Variants in MYO18A observed in about 807,000 individuals in gnomAD.
MYO18A encodes unconventional myosin-XVIIIa.
In MYO18A, 78 loss-of-function variants were observed where a neutral mutation model predicts 235.8. That is an observed-to-expected ratio of 0.33 (90% CI 0.28 to 0.40). MYO18A has a LOEUF of 0.40. MYO18A is among the 10% of genes least tolerant of loss of function. The pLI is 1.00. For missense variants in MYO18A, 2,215 were observed against 2,699.3 expected (o/e 0.82, Z 3.98); for synonymous variants, 977 against 1,077.8 (o/e 0.91, Z 1.83).
chr17:29,128,062 C>A, intron 2 of MYO18A: 19 of 1,016,174 alleles, frequency 1.9e-5, no homozygotes, highest in Non-Finnish European at 2.1e-5. Flanking sequence ...GCTTCTCCCC[C>A]TTCCCAGAAG....
rs559091260 is a variant in MYO18A, at chr17:29,122,317, G to C, written c.1000-64C>G. On this transcript the variant is annotated intron_variant, in intron 2 of 41. Transcript: ENST00000527372. ...GAAGACAGGGACAAGGACAGCCGTA[G>C]AGGGGAGACAAGTGAGGGCATGGGC... is the stretch of plus-strand genomic sequence containing the variant. The C allele has an allele frequency of 1.4e-5, 21 of 1,478,336 alleles. No homozygotes were observed. The South Asian group carries it at 2.5e-4, about 18-fold the overall frequency. 91.6% of individuals were successfully genotyped at this position (1,478,336 alleles called of 1,614,324 possible).
At chr17:29,080,527 G>C in intron 41 of MYO18A, 1 of 986,108 alleles carries the variant, frequency 1.0e-6, no homozygotes, top group Non-Finnish European at 1.2e-6. Flanking sequence ...CCGGCTCAGG[G>C]AAGGGCTGAG....
chr17:29,104,979 GA>G (rs1358775280), intron 20 of MYO18A, among the ~76,000 whole-genome samples: 1 of 151,952 alleles, frequency 6.6e-6, no homozygotes, highest in Non-Finnish European at 1.5e-5. Context: ...AGGAGATCAA[GA>G]CCATCCTGGC....
chr17:29,103,093 A>G (rs903566196), intron 21 of MYO18A, among the ~76,000 whole-genome samples: 1 of 152,230 alleles, frequency 6.6e-6, no homozygotes, highest in Non-Finnish European at 1.5e-5. Context: ...CATTTTACGC[A>G]TGGCGTTCCA....
chr17:29,157,452 G>T (rs1037525707), intron 2 of MYO18A, among the ~76,000 whole-genome samples: 9 of 152,198 alleles, frequency 5.9e-5, no homozygotes, highest in South Asian at 2.1e-4. Flanking sequence ...TCTGAGCTAG[G>T]CAGTGGATTT....
chr17:29,126,414 G>T lies in MYO18A; in HGVS notation c.1000-4161C>A, dbSNP rs2067323777. Among the ~76,000 whole-genome samples the T allele has an allele frequency of 6.6e-6, 1 of 152,202 alleles. No homozygotes were observed. Among genetic ancestry groups the T allele is most frequent in the Admixed American group, 6.5e-5 (1 of 15,280 alleles). ...GTTCTCCAGAGCGACCAACAGTTCT[G>T]CCCATACCCTGCCCAAAATGCCCAT... On this transcript the variant is annotated intron_variant, in intron 2 of 41. Coordinates refer to ENST00000527372, the MANE Select transcript of MYO18A (RefSeq NM_078471.4). This position sits in a 1 kb window ranked among gnomAD's most constrained non-coding sequence, Gnocchi z 4.1.
Position 29,125,825 on chromosome 17 carries a change from G to A in MYO18A, c.1000-3572C>T, listed in dbSNP as rs981603399. On this transcript the variant is annotated intron_variant, in intron 2 of 41. Coordinates refer to ENST00000527372, the MANE Select transcript of MYO18A (RefSeq NM_078471.4). The surrounding 1 kb of genome is among the most constrained non-coding windows in gnomAD (Gnocchi z 5.1). ...GTCAGCGCGCCTACAGACACACACA[G>A]GGTCCTGCCGCCAGCCTCAGGAAGA... 1 of 843,810 alleles carries A rather than the reference G, an allele frequency of 1.2e-6. No individual in the cohort carries two copies. Among genetic ancestry groups the A allele is most frequent in the South Asian group, 5.4e-5 (1 of 18,566 alleles). The allele number at this position is 843,810 out of a possible 1,614,324, so 52.3% of individuals were successfully genotyped here. A position where few individuals can be genotyped will look rare whatever the true frequency, so the allele number is the denominator to read the frequency against.
chr17:29,104,879 G>A (rs989555405), intron 20 of MYO18A, among the ~76,000 whole-genome samples: 1 of 152,032 alleles, frequency 6.6e-6, no homozygotes, highest in Non-Finnish European at 1.5e-5. Context: ...AGTAACAGAG[G>A]GATAGTAAAG....
intron 41 of MYO18A, chr17:29,080,145 CG>C (rs1017796897): frequency 1.0e-6 from 1 of 985,946 alleles, no homozygotes; most frequent in Non-Finnish European, 1.2e-6. Context: ...CAGCTCGCTC[CG>C]GGGGGTCCAG....
chr17:29,103,499 G>A, intron 21 of MYO18A, 100 bp downstream of exon 21: 1 of 1,190,192 alleles, frequency 8.4e-7, no homozygotes, highest in Non-Finnish European at 1.2e-6. Context: ...CCAGGAGACT[G>A]GTGATGTCTG....
At chr17:29,156,287 C>T (rs528032178) in intron 2 of MYO18A, among the ~76,000 whole-genome samples, 51 of 152,354 alleles carry the variant, frequency 3.3e-4, no homozygotes, top group African/African-American at 1.2e-3. Flanking sequence ...AGGTCTGAGA[C>T]AGACACTGCG....
chr17:29,087,456 T>G (rs1204941369), intron 37 of MYO18A, among the ~76,000 whole-genome samples: 6 of 152,044 alleles, frequency 3.9e-5, no homozygotes, highest in Non-Finnish European at 8.8e-5. Flanking sequence ...TGACACTGCA[T>G]GTAGAGTCCT....
In MYO18A at chr17:29,166,170, A is replaced by G; in HGVS notation, c.771T>C (p.Ala257=). ...GGTCCTTGGTGCCTGCACCAGGCTCAGCAAAGTGGACCACACGCCGACAGG... is the reference window on the plus strand; with the variant it reads ...GGTCCTTGGTGCCTGCACCAGGCTCGGCAAAGTGGACCACACGCCGACAGG... The part of the protein sequence containing the change: ...GQACRRVVHF[A]EPGAGTKDLA... Residue 257 remains alanine, a synonymous_variant, in exon 2 of 42, where the codon GCT becomes GCC. Transcript: ENST00000527372. 1 of 1,613,032 alleles carries G rather than the reference A, an allele frequency of 6.2e-7. No individual in the cohort carries two copies.
At position 29,114,987 on chromosome 17, in the gene MYO18A, A is replaced by G; in HGVS notation, c.2431T>C (p.Cys811Arg). ...SARGASFEELCHNYTQDRLQR... is the reference protein window; with the variant it reads ...SARGASFEELRHNYTQDRLQR... ...AGCCGGTCTTGGGTGTAGTTGTGGC[A>G]CAGCTCCTCAAAGGAGGCTCCGCGG... The change falls in exon 14 of 42, where the codon TGC (cysteine) becomes CGC (arginine). Residue 811 changes from cysteine to arginine, a missense_variant. By Grantham distance (180) the Cys-to-Arg change is radical. Coordinates refer to ENST00000527372, the MANE Select transcript of MYO18A (RefSeq NM_078471.4). 1 of 1,614,042 alleles carries G rather than the reference A, an allele frequency of 6.2e-7. No individual in the cohort carries two copies. Among genetic ancestry groups the G allele is most frequent in the Non-Finnish European group, 8.5e-7 (1 of 1,179,900 alleles).
intron 37 of MYO18A, among the ~76,000 whole-genome samples, chr17:29,089,583 T>C (rs1435475133): frequency 6.6e-6 from 1 of 150,888 alleles, no homozygotes; most frequent in Non-Finnish European, 1.5e-5. Flanking sequence ...CGAGGGCAGA[T>C]GAGAGAACAG....
chr17:29,130,109 C>T (rs973431476), intron 2 of MYO18A, among the ~76,000 whole-genome samples: 1 of 151,984 alleles, frequency 6.6e-6, no homozygotes, highest in Non-Finnish European at 1.5e-5. Context: ...CCAGCCTGGG[C>T]AACATGGTGA....
At chr17:29,137,190 C>A (rs1469161728) in intron 2 of MYO18A, 1 of 152,226 alleles carries the variant, frequency 6.6e-6, no homozygotes, top group Non-Finnish European at 1.5e-5. Context: ...GTTTGTGCGT[C>A]TTTGTCATCC....
At chr17:29,079,665 G>A in intron 41 of MYO18A, 1 of 967,974 alleles carries the variant, frequency 1.0e-6, no homozygotes, top group Non-Finnish European at 1.2e-6. Flanking sequence ...GAGGGGCAGG[G>A]AGGACGTTAG....
Position 29,166,741 on chromosome 17 carries a change from G to GGGAT in MYO18A, c.196_199dup (p.Pro67HisfsTer10). The GGGAT allele has an allele frequency of 6.2e-7, 1 of 1,613,906 alleles. No homozygotes were observed. Among genetic ancestry groups the GGGAT allele is most frequent in the Non-Finnish European group, 8.5e-7 (1 of 1,179,884 alleles). ...GTCAGAGCCGCTGGCCACCTTGATG[G>GGGAT]GGATGGGGTTGGAGATTTCCAGGCG... On this transcript the variant is annotated frameshift_variant, in exon 2 of 42. Transcript: ENST00000527372. LOFTEE classifies it high-confidence loss of function.
Sources: allele counts gnomAD v4.1 joint callset (sites outside exome capture counted in the v4.1 genomes callset), GRCh38; gene constraint gnomAD v4.1.1; non-coding constraint Gnocchi (gnomAD v3.1); transcripts MANE v1.5; gene names NCBI Gene and HGNC (gene_info 2026-07-23, HGNC 2026-07-21).